HMCN1: variants seen among roughly 807,000 people sequenced by gnomAD.
HMCN1 encodes the protein hemicentin-1.
HMCN1 carries 321 observed loss-of-function variants against 625.9 expected under a neutral mutation model. The ratio of observed to expected loss-of-function variants is 0.51; its 90% CI spans 0.47 to 0.56. The LOEUF (loss-of-function observed/expected upper bound fraction) is 0.56. HMCN1 is among the 20% of genes least tolerant of loss of function. The pLI is 0.00. For missense variants in HMCN1, 6,588 were observed against 6,887.3 expected (o/e 0.96, Z 1.54); for synonymous variants, 2,425 against 2,417.6 (o/e 1.00, Z -0.09).
intron 95 of HMCN1, among the ~76,000 whole-genome samples, chr1:186,152,147 C>T: frequency 6.6e-6 from 1 of 152,112 alleles, no homozygotes; most frequent in East Asian, 1.9e-4. Flanking sequence ...AGAAACAAAG[C>T]AAACCTAAAG....
chr1:185,929,365 T>C (rs1345333502), intron 10 of HMCN1, among the ~76,000 whole-genome samples: 2 of 152,150 alleles, frequency 1.3e-5, no homozygotes, highest in African/African-American at 4.8e-5. Flanking sequence ...CATATTATTT[T>C]ATATACATTA....
In HMCN1 at chr1:185,839,096, A is replaced by G. The variant is rs560980599; in HGVS notation, c.269-6930A>G. Among the ~76,000 whole-genome samples the G allele has an allele frequency of 1.5e-4, 23 of 152,308 alleles. No homozygotes were observed. In the East Asian group the frequency reaches 4.4e-3, roughly 29 times the overall value. ...CTGAAGTTAGGTCTATTCTCCCAAC[A>G]TGTGGAAATTTCAACAATGTTTAAT... is the stretch of plus-strand genomic sequence containing the variant. On this transcript the variant is annotated intron_variant, in intron 1 of 106. Coordinates refer to ENST00000271588, the MANE Select transcript of HMCN1 (RefSeq NM_031935.3).
At chr1:186,100,672 C>T (rs1186295394) in intron 68 of HMCN1, among the ~76,000 whole-genome samples, 1 of 152,052 alleles carries the variant, frequency 6.6e-6, no homozygotes, top group Non-Finnish European at 1.5e-5. Flanking sequence ...GAATGGATTC[C>T]GAGAGACCAG....
chr1:186,125,165 G>T (rs892144377), intron 81 of HMCN1, among the ~76,000 whole-genome samples: 1 of 151,866 alleles, frequency 6.6e-6, no homozygotes, highest in Non-Finnish European at 1.5e-5. Flanking sequence ...ATTCAGTATT[G>T]GGTGAGTGTT....
At chr1:185,897,541 A>AT (rs1402990199) in intron 4 of HMCN1, among the ~76,000 whole-genome samples, 3 of 152,142 alleles carry the variant, frequency 2.0e-5, no homozygotes, top group African/African-American at 7.2e-5. Context: ...GATATGGCTT[A>AT]TTATATTGCC....
chr1:185,923,705 T>C, intron 8 of HMCN1, 52 bp downstream of exon 8: 7 of 1,421,384 alleles, frequency 4.9e-6, no homozygotes, highest in Non-Finnish European at 6.9e-6. Context: ...AAGAGGGTGA[T>C]GTTGTCCCAT....
At chr1:186,161,115 G>A (rs1651441463) in intron 97 of HMCN1, among the ~76,000 whole-genome samples, 1 of 151,938 alleles carries the variant, frequency 6.6e-6, no homozygotes, top group Non-Finnish European at 1.5e-5. Context: ...TGTATTGGGT[G>A]CATATATATT....
chr1:186,077,416 G>A (rs1658891598), intron 54 of HMCN1, among the ~76,000 whole-genome samples: 1 of 152,038 alleles, frequency 6.6e-6, no homozygotes, highest in African/African-American at 2.4e-5. Context: ...TTTAATCATT[G>A]TAACACGGTT....
At chr1:185,990,056 C>T (rs1652314474) in intron 21 of HMCN1, among the ~76,000 whole-genome samples, 1 of 152,084 alleles carries the variant, frequency 6.6e-6, no homozygotes, top group South Asian at 2.1e-4. Flanking sequence ...CTGATCTCTT[C>T]ATTGTGTTCT....
chr1:186,111,200 C>T (rs2102464742), intron 71 of HMCN1, among the ~76,000 whole-genome samples: 1 of 151,654 alleles, frequency 6.6e-6, no homozygotes, highest in South Asian at 2.1e-4. Context: ...CCAGGATGGT[C>T]TCGATCTCCT....
intron 71 of HMCN1, among the ~76,000 whole-genome samples, chr1:186,111,260 C>T (rs1036005330): frequency 3.6e-4 from 55 of 152,074 alleles, no homozygotes; most frequent in African/African-American, 1.3e-3. Flanking sequence ...GGATTACAGG[C>T]GTGAGCCACC....
intron 43 of HMCN1, 21 bp downstream of exon 43, chr1:186,053,095 T>C: frequency 6.3e-7 from 1 of 1,593,594 alleles, no homozygotes; most frequent in Non-Finnish European, 8.6e-7. Context: ...ATCCTTGAAA[T>C]TTATAAAATT....
chr1:185,865,957 A>G (rs972348941), intron 4 of HMCN1, 94 bp downstream of exon 4: 7 of 1,313,574 alleles, frequency 5.3e-6, no homozygotes, highest in African/African-American at 2.9e-5. Context: ...TTCAAAAACA[A>G]TTTTAACCAA....
At chr1:185,736,622 C>T (rs976324065) in intron 1 of HMCN1, among the ~76,000 whole-genome samples, 2 of 152,172 alleles carry the variant, frequency 1.3e-5, no homozygotes, top group African/African-American at 4.8e-5. Flanking sequence ...CAAAAATTGC[C>T]TCAAGTTATA....
intron 1 of HMCN1, among the ~76,000 whole-genome samples, chr1:185,824,658 T>A (rs1165593465): frequency 6.6e-6 from 1 of 152,152 alleles, no homozygotes; most frequent in Non-Finnish European, 1.5e-5. Flanking sequence ...TTATTGCATG[T>A]CTACTATATG....
intron 2 of HMCN1, among the ~76,000 whole-genome samples, chr1:185,853,467 T>G (rs1418742115): frequency 2.6e-5 from 4 of 152,156 alleles, no homozygotes; most frequent in Non-Finnish European, 4.4e-5. Context: ...TTTTTATGTT[T>G]AGTGTTGAAA....
chr1:185,973,428 TTAG>T (rs1234871412), intron 15 of HMCN1, among the ~76,000 whole-genome samples: 1 of 152,080 alleles, frequency 6.6e-6, no homozygotes. Context: ...AGTACTAAGC[TTAG>T]TAGTGCATAA....
intron 1 of HMCN1, among the ~76,000 whole-genome samples, chr1:185,736,181 A>G (rs1653557043): frequency 6.6e-6 from 1 of 152,220 alleles, no homozygotes; most frequent in African/African-American, 2.4e-5. Context: ...AAAGATATAT[A>G]GAACTCTCGG....
intron 36 of HMCN1, among the ~76,000 whole-genome samples, chr1:186,030,941 C>T (rs573489052): frequency 6.6e-6 from 1 of 151,464 alleles, no homozygotes; most frequent in South Asian, 2.1e-4. Context: ...TCTCTTTTTC[C>T]CCTCTTTTGT....
Sources: allele counts gnomAD v4.1 joint callset (sites outside exome capture counted in the v4.1 genomes callset), GRCh38; gene constraint gnomAD v4.1.1; transcripts MANE v1.5; gene names NCBI Gene and HGNC (gene_info 2026-07-23, HGNC 2026-07-21).